Variants in EVC observed in about 807,000 individuals in gnomAD.
EVC encodes the protein EvC ciliary complex subunit 1.
EVC carries 116 observed loss-of-function variants against 118.9 expected under a neutral mutation model. The ratio of observed to expected loss-of-function variants is 0.98; its 90% CI spans 0.84 to 1.14. The LOEUF (loss-of-function observed/expected upper bound fraction) is 1.14, where lower values mean the gene tolerates loss of function less well. Ranked by LOEUF, EVC falls within the 50% of genes most tolerant of loss-of-function variation. The pLI is 0.00. For missense variants in EVC, 1,401 were observed against 1,246.4 expected, an observed-to-expected ratio of 1.12 and a Z score of -1.87; for synonymous variants, 619 against 534.7, an observed-to-expected ratio of 1.16 and a Z score of -2.18.
chr4:5,781,122 A>C (rs748683134), intron 11 of EVC, among the ~76,000 whole-genome samples: 2 of 152,196 alleles, frequency 1.3e-5, no homozygotes, highest in Non-Finnish European at 2.9e-5. Flanking sequence ...CATTGCACCT[A>C]ATGAGACCCT....
chr4:5,711,857 C>T lies in EVC; in HGVS notation c.174+303C>T, dbSNP rs3755845. ...TGCAGCACCAAGGGTTTGGACAGGA[C>T]GCTGGCCCTGCTCGCCATGGTGGAC... is the stretch of plus-strand genomic sequence containing the variant. On this transcript the variant is annotated intron_variant, in intron 1 of 20. Coordinates refer to ENST00000264956, the MANE Select transcript of EVC (RefSeq NM_153717.3). Among the ~76,000 whole-genome samples the T allele has an allele frequency of 0.12, 18,358 of 152,198 alleles. 1,567 individuals carry two copies. The highest frequency in any genetic ancestry group is 0.32 in the East Asian group (1,651 of 5,162).
chr4:5,711,534 C>A lies in EVC; in HGVS notation c.154C>A (p.Arg52Ser). ...LGLWLGCRAG[R>S]QRTRHQKDDT... ...CCTTTGGCTTGGCTGCCGCGCGGGC[C>A]GCCAGCGCACGCGACACCAGGTGGG... The change falls in exon 1 of 21, where the codon CGC (arginine) becomes AGC (serine). Residue 52 changes from arginine (R) to serine (S), a missense_variant. Arg to Ser is a moderately radical substitution (Grantham distance 110). Coordinates refer to ENST00000264956, the MANE Select transcript of EVC (RefSeq NM_153717.3). The A allele has an allele frequency of 2.6e-6, 3 of 1,170,484 alleles. No individual in the cohort carries two copies. The highest frequency in any genetic ancestry group is 3.2e-6 in the Non-Finnish European group (3 of 948,664). 72.5% of individuals were successfully genotyped at this position (1,170,484 alleles called of 1,614,324 possible). A position where few individuals can be genotyped will look rare whatever the true frequency, so the allele number is the denominator to read the frequency against.
At chr4:5,763,038 C>G (rs1341118661) in intron 11 of EVC, among the ~76,000 whole-genome samples, 2 of 101,268 alleles carry the variant, frequency 2.0e-5, no homozygotes, top group South Asian at 3.5e-4. Context: ...GGTTTTAGGT[C>G]TAATGTTTAA....
chr4:5,811,466 A>G lies in EVC; in HGVS notation c.*429A>G. On this transcript the variant is annotated 3_prime_UTR_variant, in exon 21 of 21. Coordinates refer to ENST00000264956, the MANE Select transcript of EVC (RefSeq NM_153717.3). ...CTGCAGAAATGTATTCTCTGAGGAC[A>G]CTTAGAATATGAGGAAGAGGGTGTG... 4.2e-6 allele frequency: 1 copy of G among 239,964 alleles called. No individual in the cohort carries two copies. Among genetic ancestry groups the G allele is most frequent in the South Asian group, 5.6e-5 (1 of 17,714 alleles). 14.9% of individuals were successfully genotyped at this position (239,964 alleles called of 1,614,324 possible).
chr4:5,733,221 C>T, intron 4 of EVC, 130 bp from the exon 5 acceptor site: 2 of 789,058 alleles, frequency 2.5e-6, no homozygotes, highest in Non-Finnish European at 4.5e-6. Context: ...GTAAGGACCT[C>T]AGCATGCTGC....
intron 13 of EVC, among the ~76,000 whole-genome samples, chr4:5,795,804 A>G (rs1206255784): frequency 1.3e-5 from 2 of 152,192 alleles, no homozygotes; most frequent in African/African-American, 2.4e-5. Context: ...TGTTTAGTCC[A>G]TTTATGTTTA....
rs932818831 is a variant in EVC at position 5,788,893 on chromosome 4, C to T, written c.1777-4715C>T. On this transcript the variant is annotated intron_variant, in intron 12 of 20. Coordinates refer to ENST00000264956, the MANE Select transcript of EVC (RefSeq NM_153717.3). Reference sequence around the variant, plus strand: ...CTTAAAACATCATGAGATTTTTTCACGTTTGTTTTAGCTCCTGAGCTGTCA... The same window carrying T: ...CTTAAAACATCATGAGATTTTTTCATGTTTGTTTTAGCTCCTGAGCTGTCA... Among the ~76,000 whole-genome samples the T allele has an allele frequency of 3.3e-5, 5 of 152,168 alleles. No individual in the cohort carries two copies. The East Asian group carries it at 5.8e-4, about 18-fold the overall frequency.
chr4:5,785,778 G>C (rs1484326531), intron 12 of EVC, among the ~76,000 whole-genome samples: 1 of 152,232 alleles, frequency 6.6e-6, no homozygotes, highest in East Asian at 1.9e-4. Flanking sequence ...CAATAATGCA[G>C]CTTTGGAAAT....
chr4:5,754,328 T>C lies in EVC; in HGVS notation c.1464+395T>C, dbSNP rs773900248. Among the ~76,000 whole-genome samples the C allele has an allele frequency of 2.0e-5, 3 of 151,840 alleles. No individual in the cohort carries two copies. The highest frequency in any genetic ancestry group is 2.9e-5 in the Non-Finnish European group (2 of 67,954). Reference sequence around the variant, plus strand: ...CACCCAGGGACAGGGCCCTTGTGGGTCGGCTGCAAGTCCAGGAGAAGGAAG... The same window carrying C: ...CACCCAGGGACAGGGCCCTTGTGGGCCGGCTGCAAGTCCAGGAGAAGGAAG... On this transcript the variant is annotated intron_variant, in intron 10 of 20. Coordinates refer to ENST00000264956, the MANE Select transcript of EVC (RefSeq NM_153717.3). The surrounding 1 kb of genome is among the most constrained non-coding windows in gnomAD (Gnocchi z 5.8).
Position 5,810,965 on chromosome 4 carries a change from G to T in EVC, c.2907G>T (p.Leu969=). 6.2e-7 allele frequency: 1 copy of T among 1,612,616 alleles called. No homozygotes were observed. Among genetic ancestry groups the T allele is most frequent in the Non-Finnish European group, 8.5e-7 (1 of 1,179,208 alleles). The change falls in exon 21 of 21, where the codon CTG becomes CTT. Residue 969 remains leucine (L), a synonymous_variant. Coordinates refer to ENST00000264956, the MANE Select transcript of EVC (RefSeq NM_153717.3). ...QTSGSLSSKR[L]SQQESEAGDS... ...TCTCTGTTTTAAGCAGCAAAAGGCT[G>T]AGTCAGCAAGAAAGTGAAGCTGGGG...
intron 2 of EVC, among the ~76,000 whole-genome samples, chr4:5,722,501 C>T (rs6845867): frequency 0.031 from 4,752 of 152,162 alleles, 227 homozygotes; most frequent in African/African-American, 0.11. Flanking sequence ...ACTTTCTTGT[C>T]CTCTAGTGCA....
At chr4:5,766,932 C>T (rs142493645) in intron 11 of EVC, among the ~76,000 whole-genome samples, 64,717 of 151,268 alleles carry the variant, frequency 0.43, 13,983 homozygotes, top group East Asian at 0.5. Flanking sequence ...AGCTTTGTTC[C>T]GTTGCTGGTG....
rs188732535 is a variant in EVC at position 5,718,604 on chromosome 4, T to A, written c.175-644T>A. 1.0e-3 allele frequency among the ~76,000 whole-genome samples: 158 copies of A among 152,292 alleles called. 1 individual carries two copies. Among genetic ancestry groups the A allele is most frequent in the African/African-American group, 3.4e-3 (142 of 41,572 alleles). On this transcript the variant is annotated intron_variant, in intron 1 of 20. Transcript: ENST00000264956. ...GAAGGCAGAGTGCTACTTTGTTCCA[T>A]CTCAACTGAGCACGTGCATGCTGGG...
intron 4 of EVC, among the ~76,000 whole-genome samples, chr4:5,732,669 A>G (rs1173076294): frequency 6.6e-6 from 1 of 152,234 alleles, no homozygotes; most frequent in East Asian, 1.9e-4. Context: ...GGGCATGAGA[A>G]TGTCTCTGCT....
rs533007590 is a variant in EVC, at chr4:5,733,122, C to T, written c.618-229C>T. Among the ~76,000 whole-genome samples, 35 of 152,284 alleles carry T rather than the reference C, an allele frequency of 2.3e-4. 1 individual carries two copies. The highest frequency in any genetic ancestry group is 7.9e-4 in the African/African-American group (33 of 41,554). On this transcript the variant is annotated intron_variant, in intron 4 of 20. Transcript: ENST00000264956. Reference sequence around the variant, plus strand: ...GGTTTTCTCTTGGAAGTCCCAGGCACCTATGTCTCTGACACCAACTGTTCT... The same window carrying T: ...GGTTTTCTCTTGGAAGTCCCAGGCATCTATGTCTCTGACACCAACTGTTCT...
intron 2 of EVC, among the ~76,000 whole-genome samples, chr4:5,725,275 T>A (rs1398958574): frequency 6.6e-6 from 1 of 152,230 alleles, no homozygotes; most frequent in African/African-American, 2.4e-5. Context: ...CATTTCTGCT[T>A]CTAGCTCTTT....
Position 5,737,545 on chromosome 4 carries a change from AATGCGGGAG to A in EVC, c.702+4114_702+4122del, listed in dbSNP as rs1161521354. ...CAGGCTGACTCTCTCGCTAGGGGCT[AATGCGGGAG>A]ATGACTTTAAGTTGAAGCCAGTGCT... On this transcript the variant is annotated intron_variant, in intron 5 of 20. Transcript: ENST00000264956. The surrounding 1 kb of genome is among the most constrained non-coding windows in gnomAD (Gnocchi z 5.0). 6.6e-6 allele frequency among the ~76,000 whole-genome samples: 1 copy of A among 152,346 alleles called. No homozygotes were observed. Among genetic ancestry groups the A allele is most frequent in the East Asian group, 1.9e-4 (1 of 5,188 alleles).
rs566386971 is a variant in EVC at position 5,787,104 on chromosome 4, T to A, written c.1776+3340T>A. On this transcript the variant is annotated intron_variant, in intron 12 of 20. Coordinates refer to ENST00000264956, the MANE Select transcript of EVC (RefSeq NM_153717.3). ...AGTGGGTCGTTTCATATCCCATTGC[T>A]CAGGGAAGTTATTAAAAATTAATGG... Among the ~76,000 whole-genome samples, 16 of 152,304 alleles carry A rather than the reference T, an allele frequency of 1.1e-4. No homozygotes were observed. The East Asian group carries it at 3.1e-3, about 29-fold the overall frequency.
chr4:5,824,945 G>A, the EVC span: 1 of 985,300 alleles, frequency 1.0e-6, no homozygotes, highest in African/African-American at 1.7e-5. Context: ...CCACACATTT[G>A]TTGAGCACCA....
Sources: allele counts gnomAD v4.1 joint callset (sites outside exome capture counted in the v4.1 genomes callset), GRCh38; gene constraint gnomAD v4.1.1; non-coding constraint Gnocchi (gnomAD v3.1); transcripts MANE v1.5; gene names NCBI Gene and HGNC (gene_info 2026-07-23, HGNC 2026-07-21).